The following EIF4E2 variants were observed in gnomAD, a reference collection of about 807,000 sequenced individuals.
EIF4E2 encodes the protein eukaryotic translation initiation factor 4E family member 2.
EIF4E2 carries 13 observed loss-of-function variants against 34.2 expected under a neutral mutation model. The observed-to-expected ratio is 0.38, with a 90% CI of 0.25 to 0.60. EIF4E2 has a LOEUF of 0.60. Ranked by LOEUF, EIF4E2 falls within the 20% of genes least tolerant of loss-of-function variation. The pLI is 0.62. For synonymous variants in EIF4E2, 100 were observed against 106.6 expected (o/e 0.94, Z 0.38); for missense variants, 222 against 315.1 (o/e 0.70, Z 2.24).
At chr2:232,556,778 T>A (rs1305705401) in intron 2 of EIF4E2, among the ~76,000 whole-genome samples, 2 of 152,178 alleles carry the variant, frequency 1.3e-5, no homozygotes, top group African/African-American at 4.8e-5. Context: ...TGGAGATTAG[T>A]CCTGGAGCTT....
intron 4 of EIF4E2, among the ~76,000 whole-genome samples, chr2:232,565,745 A>G (rs921536880): frequency 6.6e-6 from 1 of 152,166 alleles, no homozygotes; most frequent in Non-Finnish European, 1.5e-5. Flanking sequence ...TTATAGTATC[A>G]TTGCTGTAAT....
chr2:232,572,960 C>T (rs896276707), downstream of EIF4E2, among the ~76,000 whole-genome samples: 1 of 152,150 alleles, frequency 6.6e-6, no homozygotes, highest in Non-Finnish European at 1.5e-5. Context: ...GAGGGGTTTC[C>T]CTGGGTCATT....
intron 3 of EIF4E2, among the ~76,000 whole-genome samples, chr2:232,563,957 T>C (rs1475789906): frequency 6.6e-6 from 1 of 152,232 alleles, no homozygotes; most frequent in Non-Finnish European, 1.5e-5. Flanking sequence ...GAGTGCGTAT[T>C]AACATGGTTT....
chr2:232,575,530 G>A (rs1486338845), intron 6 of EIF4E2, among the ~76,000 whole-genome samples: 1 of 152,210 alleles, frequency 6.6e-6, no homozygotes, highest in African/African-American at 2.4e-5. Flanking sequence ...GGAGGCTGTG[G>A]TGGGAGGATC....
At chr2:232,562,668 TG>T (rs1038638191) in intron 3 of EIF4E2, among the ~76,000 whole-genome samples, 8 of 152,244 alleles carry the variant, frequency 5.3e-5, no homozygotes, top group Non-Finnish European at 1.0e-4. Context: ...GATTATTGAC[TG>T]GGGAACTGGA....
Position 232,577,051 on chromosome 2 carries a change from G to A in EIF4E2, c.666-3853G>A, listed in dbSNP as rs1007422528. 4.6e-5 allele frequency among the ~76,000 whole-genome samples: 7 copies of A among 152,212 alleles called. No individual in the cohort carries two copies. The South Asian group carries it at 1.4e-3, about 32-fold the overall frequency. On this transcript the variant is annotated intron_variant, in intron 6 of 6. Coordinates refer to the EIF4E2 transcript ENST00000409098. ...ATGACTTCAGTAAAACTCTCAGTGAGCTGATAGGAAAGGATTCTGATTACT... is the reference window on the plus strand; with the variant it reads ...ATGACTTCAGTAAAACTCTCAGTGAACTGATAGGAAAGGATTCTGATTACT...
chr2:232,561,031 A>G (rs1191408945), intron 3 of EIF4E2, among the ~76,000 whole-genome samples: 1 of 152,226 alleles, frequency 6.6e-6, no homozygotes, highest in East Asian at 1.9e-4. Context: ...GAAGACAGTA[A>G]GTGATACTAT....
chr2:232,555,966 G>A (rs909135895), intron 1 of EIF4E2, among the ~76,000 whole-genome samples: 1 of 152,140 alleles, frequency 6.6e-6, no homozygotes, highest in Admixed American at 6.5e-5. Context: ...TATGATTGAC[G>A]TGTCAGGAGA....
chr2:232,560,053 A>G (rs1692668326), intron 3 of EIF4E2, among the ~76,000 whole-genome samples: 1 of 152,212 alleles, frequency 6.6e-6, no homozygotes, highest in African/African-American at 2.4e-5. Flanking sequence ...AGCCAGTATA[A>G]TTGAAACTCA....
At chr2:232,569,337 C>T (rs181006087), downstream of EIF4E2, 3 of 937,144 alleles carry the variant, frequency 3.2e-6, no homozygotes, top group Admixed American at 4.0e-5. Flanking sequence ...GCCTCATTTC[C>T]ATAAGCCCAT....
At chr2:232,551,177 A>ACC (rs1692301373) in intron 1 of EIF4E2, 1 of 502,810 alleles carries the variant, frequency 2.0e-6, no homozygotes, top group Non-Finnish European at 4.0e-6. Context: ...CAGAGTGGGG[A>ACC]CGGTAACACC....
Position 232,579,915 on chromosome 2 carries a change from A to C in EIF4E2, c.666-989A>C, listed in dbSNP as rs1693304967. Among the ~76,000 whole-genome samples, 4 of 152,306 alleles carry C rather than the reference A, an allele frequency of 2.6e-5. No individual in the cohort carries two copies. The South Asian group carries it at 8.3e-4, about 32-fold the overall frequency. On this transcript the variant is annotated intron_variant, in intron 6 of 6. Coordinates refer to the EIF4E2 transcript ENST00000409098. ...AGCACTGGGCAAGGGCAGCAGCCTT[A>C]AAGTCCCTGCCAGCCTGAAATGTTG...
intron 6 of EIF4E2, chr2:232,568,155 T>C: frequency 3.0e-6 from 3 of 985,390 alleles, no homozygotes; most frequent in Non-Finnish European, 3.6e-6. Flanking sequence ...GCTATCATCA[T>C]CATCATCATT....
At chr2:232,553,473 A>T (rs1692416071) in intron 1 of EIF4E2, among the ~76,000 whole-genome samples, 1 of 152,212 alleles carries the variant, frequency 6.6e-6, no homozygotes, top group Non-Finnish European at 1.5e-5. Context: ...GAATTGAACC[A>T]AGGTCCTGCC....
At chr2:232,576,391 C>T (rs936769494) in intron 6 of EIF4E2, among the ~76,000 whole-genome samples, 1 of 152,134 alleles carries the variant, frequency 6.6e-6, no homozygotes, top group Non-Finnish European at 1.5e-5. Context: ...CTCAAAATAA[C>T]TCCCACCCCT....
At chr2:232,567,013 G>A in intron 5 of EIF4E2, 32 bp downstream of exon 5, 1 of 1,593,058 alleles carries the variant, frequency 6.3e-7, no homozygotes, top group Non-Finnish European at 8.6e-7. Context: ...CTGGTTTCTT[G>A]TGTTGCCTTT....
chr2:232,573,423 G>T (rs576456891), downstream of EIF4E2, among the ~76,000 whole-genome samples: 8 of 152,218 alleles, frequency 5.3e-5, no homozygotes, highest in African/African-American at 1.9e-4. Flanking sequence ...AAGTGGCTAG[G>T]GCTTAGGTAG....
downstream of EIF4E2, among the ~76,000 whole-genome samples, chr2:232,569,539 G>T (rs1332066327): frequency 6.6e-6 from 1 of 152,184 alleles, no homozygotes; most frequent in East Asian, 1.9e-4. Context: ...TTGGAAAGGG[G>T]GATCCTTGGC....
At chr2:232,578,952 G>A (rs1031337058) in intron 6 of EIF4E2, among the ~76,000 whole-genome samples, 2 of 152,046 alleles carry the variant, frequency 1.3e-5, no homozygotes, top group Admixed American at 6.6e-5. Context: ...ATAGACTTGT[G>A]GTGTCCAATG....
Sources: gnomAD v4.1 joint callset for allele counts (sites outside exome capture counted in the v4.1 genomes callset) on GRCh38, gnomAD v4.1.1 for gene constraint, MANE v1.5 for transcripts, NCBI Gene and HGNC (gene_info 2026-07-23, HGNC 2026-07-21) for gene names.